NTRK2: variants seen among roughly 807,000 people sequenced by gnomAD.
The protein encoded by NTRK2 is neurotrophic receptor tyrosine kinase 2.
A neutral mutation model predicts 94.5 loss-of-function variants in NTRK2; 13 were observed. The ratio of observed to expected loss-of-function variants is 0.14; its 90% CI spans 0.09 to 0.22. NTRK2 has a LOEUF of 0.22. Ranked by LOEUF, NTRK2 falls within the 10% of genes least tolerant of loss-of-function variation. NTRK2 has a pLI of 1.00. For synonymous variants in NTRK2, 372 were observed against 407.4 expected (o/e 0.91, Z 1.05); for missense variants, 639 against 1,071.2 (o/e 0.60, Z 5.63).
intron 9 of NTRK2, among the ~76,000 whole-genome samples, chr9:84,731,358 C>G (rs2062878562): frequency 6.6e-6 from 1 of 152,088 alleles, no homozygotes; most frequent in Non-Finnish European, 1.5e-5. Flanking sequence ...ATTGCTTGAG[C>G]CTGGGAGGCG....
chr9:84,914,258 A>G (rs2077328851), intron 14 of NTRK2, among the ~76,000 whole-genome samples: 1 of 152,142 alleles, frequency 6.6e-6, no homozygotes, highest in East Asian at 1.9e-4. Flanking sequence ...TTGCTCATTG[A>G]AGCATTTTCA....
chr9:84,684,090 A>G (rs1040834936), intron 2 of NTRK2, among the ~76,000 whole-genome samples: 7 of 151,852 alleles, frequency 4.6e-5, no homozygotes, highest in Admixed American at 3.3e-4. Flanking sequence ...GATTCTGGAT[A>G]TTAGACCTTT....
chr9:84,811,220 A>C, intron 12 of NTRK2: 3 of 1,063,784 alleles, frequency 2.8e-6, no homozygotes, highest in Non-Finnish European at 3.4e-6. Flanking sequence ...CCAAATGTTT[A>C]GCTTAGGTCT....
chr9:84,898,491 CTTTCTTTCTT>C (rs1438059606), intron 14 of NTRK2, among the ~76,000 whole-genome samples: 3 of 151,818 alleles, frequency 2.0e-5, no homozygotes, highest in East Asian at 3.9e-4. Flanking sequence ...TTCTTTCTTT[CTTTCTTTCTT>C]TTTCTTTCTT....
intron 17 of NTRK2, among the ~76,000 whole-genome samples, chr9:84,990,096 G>A (rs1468797593): frequency 6.6e-6 from 1 of 152,172 alleles, no homozygotes; most frequent in East Asian, 1.9e-4. Flanking sequence ...TAAATTAGAT[G>A]AAATGCTTTG....
intron 17 of NTRK2, among the ~76,000 whole-genome samples, chr9:84,992,561 C>G (rs1347494154): frequency 2.0e-5 from 3 of 152,098 alleles, no homozygotes; most frequent in Non-Finnish European, 4.4e-5. Flanking sequence ...CCACACTGTG[C>G]CCATTGTCTG....
At chr9:84,831,855 G>T (rs2073568022) in intron 12 of NTRK2, among the ~76,000 whole-genome samples, 1 of 152,218 alleles carries the variant, frequency 6.6e-6, no homozygotes. Context: ...TTTTCTTAGT[G>T]ACTGGAAGAG....
chr9:84,742,483 G>A lies in NTRK2; in HGVS notation c.1195+556G>A, dbSNP rs933748206. Reference sequence around the variant, plus strand: ...CCTTGTGGTTACAAGAGAATGTGGCGGGGGAGCTGCTGCCATTCACAAGGA... The same window carrying A: ...CCTTGTGGTTACAAGAGAATGTGGCAGGGGAGCTGCTGCCATTCACAAGGA... On this transcript the variant is annotated intron_variant, in intron 10 of 18. Coordinates refer to ENST00000277120, the MANE Select transcript of NTRK2 (RefSeq NM_006180.6). 3.9e-5 allele frequency among the ~76,000 whole-genome samples: 6 copies of A among 152,234 alleles called. No individual in the cohort carries two copies. The East Asian group carries it at 5.8e-4, about 15-fold the overall frequency.
At chr9:84,833,273 T>C (rs2073678675) in intron 12 of NTRK2, among the ~76,000 whole-genome samples, 1 of 151,842 alleles carries the variant, frequency 6.6e-6, no homozygotes, top group South Asian at 2.1e-4. Flanking sequence ...TATCCATGCC[T>C]GGGATCCACA....
intron 14 of NTRK2, chr9:84,875,376 T>C (rs2076024250): frequency 9.4e-7 from 1 of 1,060,384 alleles, no homozygotes; most frequent in South Asian, 4.6e-5. Flanking sequence ...ACAGAGCACA[T>C]GAGGCCTGTG....
intron 14 of NTRK2, among the ~76,000 whole-genome samples, chr9:84,914,719 T>C (rs2132519420): frequency 6.6e-6 from 1 of 152,268 alleles, no homozygotes. Flanking sequence ...AGGTCAGAAT[T>C]TTTCTGGGGA....
At chr9:84,864,132 C>A (rs1403427130) in intron 13 of NTRK2, among the ~76,000 whole-genome samples, 1 of 152,286 alleles carries the variant, frequency 6.6e-6, no homozygotes, top group East Asian at 1.9e-4. Flanking sequence ...TATCAGCCTC[C>A]TCAAAAATGA....
chr9:84,821,517 A>G (rs1303756003), intron 12 of NTRK2, among the ~76,000 whole-genome samples: 1 of 152,108 alleles, frequency 6.6e-6, no homozygotes, highest in Non-Finnish European at 1.5e-5. Context: ...CTTTGTTTTT[A>G]CTTCCTTATA....
chr9:84,924,475 A>G (rs915222360), intron 14 of NTRK2, among the ~76,000 whole-genome samples: 16 of 152,154 alleles, frequency 1.1e-4, no homozygotes, highest in African/African-American at 3.9e-4. Context: ...TCTTGAAAAT[A>G]CAAACATTGC....
intron 12 of NTRK2, among the ~76,000 whole-genome samples, chr9:84,794,735 A>G (rs770387548): frequency 2.0e-5 from 3 of 152,206 alleles, no homozygotes; most frequent in African/African-American, 7.2e-5. Flanking sequence ...ATTCTTGCAT[A>G]TAAAGGGACT....
intron 12 of NTRK2, among the ~76,000 whole-genome samples, chr9:84,819,064 T>TA (rs2072615645): frequency 6.6e-6 from 1 of 152,170 alleles, no homozygotes; most frequent in Admixed American, 6.5e-5. Flanking sequence ...AGCCTGTGTT[T>TA]ACTGAGTTAA....
chr9:84,971,444 C>T (rs1826172558), intron 17 of NTRK2, among the ~76,000 whole-genome samples: 1 of 152,164 alleles, frequency 6.6e-6, no homozygotes. Flanking sequence ...GGTTAGATTC[C>T]TGTACTCTGG....
chr9:84,861,006 C>A (rs762888338), intron 12 of NTRK2, 34 bp from the exon 13 acceptor site: 2 of 1,602,048 alleles, frequency 1.2e-6, no homozygotes, highest in African/African-American at 1.3e-5. Flanking sequence ...ACTTCTCTTT[C>A]GAAGTTTATT....
At position 84,817,965 on chromosome 9, in the gene NTRK2, AGC is replaced by A. The variant is rs577295383; in HGVS notation, c.1397-43074_1397-43073del. ...AAATGAGTGGCGTTGATGTATTTCT[AGC>A]ACTTAATTTAGGACAATTTTACTAT... On this transcript the variant is annotated intron_variant, in intron 12 of 18. Transcript: ENST00000277120. Among the ~76,000 whole-genome samples the A allele has an allele frequency of 8.1e-4, 124 of 152,306 alleles. 1 individual carries two copies. Among genetic ancestry groups the A allele is most frequent in the African/African-American group, 2.9e-3 (122 of 41,566 alleles).
Sources: allele counts gnomAD v4.1 joint callset (sites outside exome capture counted in the v4.1 genomes callset), GRCh38; gene constraint gnomAD v4.1.1; transcripts MANE v1.5; gene names NCBI Gene and HGNC (gene_info 2026-07-23, HGNC 2026-07-21).